Variants in SCML4 observed in about 807,000 individuals in gnomAD.
SCML4 encodes the protein Scm polycomb group protein like 4.
Under a neutral mutation model 41.1 loss-of-function variants are expected in SCML4, and 34 were observed. That is an observed-to-expected ratio of 0.83 (90% CI 0.63 to 1.10). The LOEUF (loss-of-function observed/expected upper bound fraction) is 1.10, where lower values mean the gene tolerates loss of function less well. SCML4 is among the 50% of genes least tolerant of loss of function. The pLI is 0.00. For synonymous variants in SCML4, 214 were observed against 220.9 expected, an observed-to-expected ratio of 0.97 and a Z score of 0.28; for missense variants, 522 against 534.1, an observed-to-expected ratio of 0.98 and a Z score of 0.22.
chr6:107,744,698 C>T (rs751703054), intron 5 of SCML4, among the ~76,000 whole-genome samples: 2 of 152,150 alleles, frequency 1.3e-5, no homozygotes, highest in Non-Finnish European at 2.9e-5. Context: ...ATAATATAGA[C>T]CTAAAAGTTA....
intron 1 of SCML4, among the ~76,000 whole-genome samples, chr6:107,793,118 A>G (rs914872988): frequency 2.0e-5 from 3 of 152,152 alleles, no homozygotes; most frequent in East Asian, 3.9e-4. Context: ...TGGAGGCACA[A>G]TGTGGTCGGC....
At chr6:107,808,069 G>A (rs1455140187) in intron 1 of SCML4, among the ~76,000 whole-genome samples, 2 of 151,974 alleles carry the variant, frequency 1.3e-5, no homozygotes, top group Non-Finnish European at 2.9e-5. Flanking sequence ...TGCACATCTC[G>A]CCCAATTACT....
intron 5 of SCML4, among the ~76,000 whole-genome samples, chr6:107,724,330 A>C (rs1440052936): frequency 1.3e-5 from 2 of 152,194 alleles, no homozygotes; most frequent in Non-Finnish European, 2.9e-5. Flanking sequence ...AAGGAAAAGA[A>C]AAGCCATCTG....
chr6:107,763,380 G>GT (rs373094856), intron 2 of SCML4, among the ~76,000 whole-genome samples: 22,072 of 139,082 alleles, frequency 0.16, 1,882 homozygotes, highest in Middle Eastern at 0.23. Flanking sequence ...TCATGTTCTT[G>GT]TTTTTTTTTT....
At chr6:107,749,003 C>A (rs575177928) in intron 3 of SCML4, among the ~76,000 whole-genome samples, 2 of 152,232 alleles carry the variant, frequency 1.3e-5, no homozygotes, top group South Asian at 4.2e-4. Context: ...GCCTGCAGGG[C>A]CTTGTCGGCC....
chr6:107,704,955 G>A lies in SCML4; in HGVS notation c.*245C>T, dbSNP rs1355103913. 1 of 566,154 alleles carries A rather than the reference G, an allele frequency of 1.8e-6. No individual in the cohort carries two copies. The highest frequency in any genetic ancestry group is 1.9e-5 in the African/African-American group (1 of 53,130). 35.1% of individuals were successfully genotyped at this position (566,154 alleles called of 1,614,324 possible). On this transcript the variant is annotated 3_prime_UTR_variant, in exon 8 of 8. Transcript: ENST00000369020. ...CTTTAAGAGAAACCAGCATAACAGG[G>A]ATGTTAAAAATCACAGGCTTTTGTA...
chr6:107,734,075 G>T (rs1027444572), intron 5 of SCML4, among the ~76,000 whole-genome samples: 7 of 152,138 alleles, frequency 4.6e-5, no homozygotes, highest in Admixed American at 3.3e-4. Flanking sequence ...GTAGAGGTAG[G>T]GGTGTCTTTC....
At chr6:107,806,060 C>T (rs1013104755) in intron 1 of SCML4, among the ~76,000 whole-genome samples, 10 of 152,214 alleles carry the variant, frequency 6.6e-5, no homozygotes, top group Admixed American at 2.0e-4. Flanking sequence ...GGATTTACCA[C>T]GGGGCCAGGT....
At chr6:107,720,246 A>C in intron 6 of SCML4, 2 of 648,346 alleles carry the variant, frequency 3.1e-6, no homozygotes, top group Non-Finnish European at 3.8e-6. Flanking sequence ...GGAAGTGATG[A>C]GCATCACTTT....
Position 107,705,134 on chromosome 6 carries a change from T to C in SCML4, c.*66A>G. ...TCTAGTTTGTGATGTTGGCGGGATA[T>C]TGGTAAGGCAGAAGATAATCTTGGG... On this transcript the variant is annotated 3_prime_UTR_variant, in exon 8 of 8. Coordinates refer to ENST00000369020, the MANE Select transcript of SCML4 (RefSeq NM_198081.5). 7.1e-7 allele frequency: 1 copy of C among 1,409,212 alleles called. No individual in the cohort carries two copies. The highest frequency in any genetic ancestry group is 9.8e-7 in the Non-Finnish European group (1 of 1,017,830). The allele number at this position is 1,409,212 out of a possible 1,614,324, so 87.3% of individuals were successfully genotyped here.
chr6:107,708,972 T>G (rs1773965134), intron 6 of SCML4, among the ~76,000 whole-genome samples: 1 of 152,148 alleles, frequency 6.6e-6, no homozygotes, highest in African/African-American at 2.4e-5. Context: ...CCTTTTTGTG[T>G]TTCCCACATT....
At chr6:107,813,407 TATATATATATATATATAA>T (rs201111063) in intron 1 of SCML4, among the ~76,000 whole-genome samples, 8,077 of 40,284 alleles carry the variant, frequency 0.2, 987 homozygotes, top group South Asian at 0.29. Flanking sequence ...TATATATATA[TATATATATATATATATAA>T]AACTGTAAAA....
chr6:107,813,331 C>A (rs1242796881), intron 1 of SCML4, among the ~76,000 whole-genome samples: 1 of 137,930 alleles, frequency 7.3e-6, no homozygotes, highest in Non-Finnish European at 1.5e-5. Context: ...CTACTACACT[C>A]CAGCCTGGGT....
chr6:107,827,313 G>A (rs1043813001), upstream of SCML4, among the ~76,000 whole-genome samples: 12 of 143,318 alleles, frequency 8.4e-5, no homozygotes, highest in Non-Finnish European at 1.7e-4. Context: ...TTACTTAAAT[G>A]TATATTTTTA....
At chr6:107,800,590 G>A (rs1337347503) in intron 1 of SCML4, among the ~76,000 whole-genome samples, 1 of 152,148 alleles carries the variant, frequency 6.6e-6, no homozygotes, top group Non-Finnish European at 1.5e-5. Flanking sequence ...GGGGAGGTTT[G>A]GGGTATTTTA....
chr6:107,810,574 G>A (rs1562281813), intron 1 of SCML4, among the ~76,000 whole-genome samples: 1 of 152,168 alleles, frequency 6.6e-6, no homozygotes. Flanking sequence ...TGGCTATCTG[G>A]AGTGAGTACA....
the SCML4 span, among the ~76,000 whole-genome samples, chr6:107,845,090 A>T: frequency 6.6e-6 from 1 of 152,042 alleles, no homozygotes; most frequent in Admixed American, 6.5e-5. Context: ...ACAAAAAATT[A>T]GCCGGGCATG....
rs779077056 is a variant in SCML4, at chr6:107,705,298, G to A, written c.1147C>T (p.Leu383=). ...TACTTCATGACCATGTCACTCTTCA[G>A]CAACAGCAGAGCGTTGCCATCAATC... is the stretch of plus-strand genomic sequence containing the variant. The part of the protein sequence containing the change: ...HEIDGNALLL[L]KSDMVMKYLG... Residue 383 remains leucine (L), a synonymous_variant, in exon 8 of 8, where the codon CTG becomes TTG. Coordinates refer to ENST00000369020, the MANE Select transcript of SCML4 (RefSeq NM_198081.5). The A allele has an allele frequency of 1.9e-6, 3 of 1,551,802 alleles. No individual in the cohort carries two copies. The highest frequency in any genetic ancestry group is 3.9e-5 in the Admixed American group (2 of 51,008).
chr6:107,794,615 G>A (rs997614297), intron 1 of SCML4, among the ~76,000 whole-genome samples: 18 of 152,062 alleles, frequency 1.2e-4, no homozygotes, highest in African/African-American at 3.4e-4. Flanking sequence ...TTTAGAGCAC[G>A]TTTTGTTCAG....
Sources: allele counts gnomAD v4.1 joint callset (sites outside exome capture counted in the v4.1 genomes callset), GRCh38; gene constraint gnomAD v4.1.1; transcripts MANE v1.5; gene names NCBI Gene and HGNC (gene_info 2026-07-23, HGNC 2026-07-21).